Variants in ARHGAP6 observed in about 807,000 individuals in gnomAD.
ARHGAP6 encodes the protein rho GTPase-activating protein 6.
In ARHGAP6, 16 loss-of-function variants were observed where a neutral mutation model predicts 55.7. The observed-to-expected ratio is 0.29, with a 90% CI of 0.19 to 0.44. ARHGAP6 has a LOEUF of 0.44. ARHGAP6 is among the 20% of genes least tolerant of loss of function. ARHGAP6 has a pLI of 1.00. For synonymous variants in ARHGAP6, 382 were observed against 360.9 expected (o/e 1.06, Z -0.66); for missense variants, 698 against 808.9 (o/e 0.86, Z 1.66).
chrX:11,230,475 C>T (rs1602922296), intron 2 of ARHGAP6, among the ~76,000 whole-genome samples: 1 of 111,524 alleles, frequency 9.0e-6, no homozygotes, highest in Non-Finnish European at 1.9e-5. Context: ...GGATTACAGG[C>T]ATGAGCCACC....
At chrX:11,318,239 G>T (rs942227617) in intron 1 of ARHGAP6, among the ~76,000 whole-genome samples, 3 of 111,893 alleles carry the variant, frequency 2.7e-5, no homozygotes, top group African/African-American at 9.7e-5. Flanking sequence ...TGGACTTTAA[G>T]TTCATAGCAT....
At chrX:11,603,726 T>C (rs1346719080) in intron 1 of ARHGAP6, among the ~76,000 whole-genome samples, 1 of 111,966 alleles carries the variant, frequency 8.9e-6, no homozygotes, top group Non-Finnish European at 1.9e-5. Context: ...GAAAACAGGA[T>C]TGTGTGTAGA....
chrX:11,428,832 T>C (rs1441659915), intron 1 of ARHGAP6, among the ~76,000 whole-genome samples: 2 of 111,855 alleles, frequency 1.8e-5, no homozygotes, highest in Non-Finnish European at 3.8e-5. Context: ...TAATTAGCAG[T>C]GGGAATGTGA....
At chrX:11,367,863 G>C in intron 1 of ARHGAP6, 1 of 687,533 alleles carries the variant, frequency 1.5e-6, no homozygotes, top group South Asian at 7.5e-5. Context: ...AGAAGAGTCA[G>C]TTGGCAAAGC....
intron 1 of ARHGAP6, among the ~76,000 whole-genome samples, chrX:11,299,417 C>T: frequency 8.9e-6 from 1 of 111,820 alleles, no homozygotes; most frequent in South Asian, 3.8e-4. Flanking sequence ...GAACAGGCTA[C>T]AAAAGGTAGA....
intron 2 of ARHGAP6, among the ~76,000 whole-genome samples, chrX:11,230,314 C>T (rs927431113): frequency 9.0e-6 from 1 of 111,659 alleles, no homozygotes; most frequent in East Asian, 2.8e-4. Flanking sequence ...TCTCCTCCCT[C>T]AGCCTCCCGA....
chrX:11,364,435 A>T (rs965977981), intron 1 of ARHGAP6, among the ~76,000 whole-genome samples: 18 of 110,684 alleles, frequency 1.6e-4, no homozygotes, highest in African/African-American at 5.9e-4. Flanking sequence ...TAACTTTATT[A>T]GCAGCCTCAG....
chrX:11,517,207 T>C (rs1165279141), intron 1 of ARHGAP6, among the ~76,000 whole-genome samples: 1 of 111,848 alleles, frequency 8.9e-6, no homozygotes, highest in African/African-American at 3.3e-5. Context: ...ATGACCTTCT[T>C]GGCAGAGGCT....
Position 11,558,934 on chromosome X carries a change from G to A in ARHGAP6, c.588+105307C>T, listed in dbSNP as rs988259018. On this transcript the variant is annotated intron_variant, in intron 1 of 12. Transcript: ENST00000337414. Reference sequence around the variant, plus strand: ...ATGGAGAATTCTACAGTTAAGTCACGTAAATTCCCTCTACTACAGTTAACT... The same window carrying A: ...ATGGAGAATTCTACAGTTAAGTCACATAAATTCCCTCTACTACAGTTAACT... Among the ~76,000 whole-genome samples the A allele has an allele frequency of 8.0e-5, 8 of 100,094 alleles. No individual in the cohort carries two copies. The East Asian group carries it at 1.4e-3, about 17-fold the overall frequency. The allele number at this position is 100,094 out of a possible 115,157, so 86.9% of individuals were successfully genotyped here.
Position 11,315,501 on chromosome X carries a change from C to T in ARHGAP6, c.589-60794G>A, listed in dbSNP as rs1055426325. On this transcript the variant is annotated intron_variant, in intron 1 of 12. Coordinates refer to ENST00000337414, the MANE Select transcript of ARHGAP6 (RefSeq NM_013427.3). ...TGGTACTGGTCTGCGGCCCGGGGGT[C>T]GGGAACCCCTGTTTTAGATGATAAG... Among the ~76,000 whole-genome samples, 3 of 111,436 alleles carry T rather than the reference C, an allele frequency of 2.7e-5. No homozygotes were observed. In the South Asian group the frequency reaches 1.2e-3, roughly 43 times the overall value.
intron 1 of ARHGAP6, among the ~76,000 whole-genome samples, chrX:11,482,305 C>A (rs2050464819): frequency 1.8e-5 from 2 of 112,170 alleles, no homozygotes; most frequent in Admixed American, 9.4e-5. Flanking sequence ...AGAGGAATGG[C>A]ACTAGAAGTC....
chrX:11,163,730 G>C (rs751191745), intron 9 of ARHGAP6, among the ~76,000 whole-genome samples: 1 of 112,145 alleles, frequency 8.9e-6, no homozygotes, highest in South Asian at 3.7e-4. Flanking sequence ...GTGCACGGGA[G>C]GGTCAAGATG....
intron 1 of ARHGAP6, among the ~76,000 whole-genome samples, chrX:11,280,461 TG>T: frequency 8.9e-6 from 1 of 112,096 alleles, no homozygotes; most frequent in East Asian, 2.8e-4. Flanking sequence ...CAGAAGATTC[TG>T]GTTTTTGTTA....
intron 1 of ARHGAP6, among the ~76,000 whole-genome samples, chrX:11,481,543 A>C (rs111353882): frequency 1.0e-3 from 118 of 112,700 alleles, no homozygotes; most frequent in African/African-American, 3.7e-3. Flanking sequence ...AGTGCACCAG[A>C]ATACAGTAAT....
chrX:11,289,102 T>C (rs2047954955), intron 1 of ARHGAP6, among the ~76,000 whole-genome samples: 1 of 112,391 alleles, frequency 8.9e-6, no homozygotes. Flanking sequence ...ACCTGATATT[T>C]AGCAAATGCC....
chrX:11,196,883 C>T, intron 3 of ARHGAP6, 42 bp downstream of exon 3: 1 of 712,822 alleles, frequency 1.4e-6, no homozygotes, highest in Non-Finnish European at 2.2e-6. Context: ...AACCATTATG[C>T]TCCATGGAAG....
At position 11,256,558 on chromosome X, in the gene ARHGAP6, A is replaced by G. The variant is rs569640552; in HGVS notation, c.589-1851T>C. Among the ~76,000 whole-genome samples the G allele has an allele frequency of 8.1e-4, 90 of 111,624 alleles. 1 individual carries two copies. The Middle Eastern group carries it at 0.028, about 34-fold the overall frequency. On this transcript the variant is annotated intron_variant, in intron 1 of 12. Transcript: ENST00000337414. ...TAATTCTTTGATATTTTCCCTCTTT[A>G]TCTGGGATTTCATTCACTCATTTAA...
chrX:11,368,978 A>G (rs1306912198), intron 1 of ARHGAP6, among the ~76,000 whole-genome samples: 1 of 111,690 alleles, frequency 9.0e-6, no homozygotes, highest in Non-Finnish European at 1.9e-5. Context: ...TGCTTAGTGC[A>G]GTTCCAGTTC....
intron 8 of ARHGAP6, 126 bp from the exon 9 acceptor site, chrX:11,169,810 C>A: frequency 2.1e-6 from 1 of 484,733 alleles, no homozygotes; most frequent in Non-Finnish European, 3.2e-6. Context: ...GCCATCCTCT[C>A]TGTCAGAATC....
Sources: gnomAD v4.1 joint callset for allele counts (sites outside exome capture counted in the v4.1 genomes callset) on GRCh38, gnomAD v4.1.1 for gene constraint, MANE v1.5 for transcripts, NCBI Gene and HGNC (gene_info 2026-07-23, HGNC 2026-07-21) for gene names.